Variants in CFAP20DC observed in about 807,000 individuals in gnomAD.
The protein encoded by CFAP20DC is protein CFAP20DC.
A neutral mutation model predicts 101.7 loss-of-function variants in CFAP20DC; 84 were observed. The observed-to-expected ratio is 0.83, with a 90% CI of 0.69 to 0.99. The LOEUF (loss-of-function observed/expected upper bound fraction) is 0.99, where lower values mean the gene tolerates loss of function less well. Ranked by LOEUF, CFAP20DC falls within the 50% of genes least tolerant of loss-of-function variation. The pLI, the probability that CFAP20DC is intolerant of heterozygous loss-of-function variation, is 0.00. For synonymous variants in CFAP20DC, 359 were observed against 351.2 expected, an observed-to-expected ratio of 1.02 and a Z score of -0.25; for missense variants, 1,007 against 970.3, an observed-to-expected ratio of 1.04 and a Z score of -0.50.
intron 13 of CFAP20DC, among the ~76,000 whole-genome samples, chr3:58,833,347 C>G (rs1172606573): frequency 6.6e-6 from 1 of 151,604 alleles, no homozygotes; most frequent in Non-Finnish European, 1.5e-5. Context: ...AGTTCTTGGG[C>G]CAAAATACGT....
At chr3:59,035,717 C>A (rs147160463) in intron 4 of CFAP20DC, among the ~76,000 whole-genome samples, 75 of 152,204 alleles carry the variant, frequency 4.9e-4, no homozygotes, top group African/African-American at 1.8e-3. Context: ...CCCTACCAAC[C>A]AAAGAAAGCC....
chr3:58,855,153 A>C (rs1460518077), intron 12 of CFAP20DC, among the ~76,000 whole-genome samples: 2 of 152,068 alleles, frequency 1.3e-5, no homozygotes, highest in Non-Finnish European at 2.9e-5. Flanking sequence ...AAAAACAAAC[A>C]ACCCCATCAA....
intron 12 of CFAP20DC, among the ~76,000 whole-genome samples, chr3:58,852,128 T>A (rs1473943431): frequency 1.3e-5 from 2 of 150,490 alleles, no homozygotes; most frequent in Non-Finnish European, 3.0e-5. Flanking sequence ...TTAGTAGCCA[T>A]TGCTCTGATT....
At chr3:58,765,501 A>C (rs893304964) in intron 15 of CFAP20DC, among the ~76,000 whole-genome samples, 15 of 151,216 alleles carry the variant, frequency 9.9e-5, no homozygotes, top group East Asian at 5.8e-4. Context: ...AAAAAAAAAA[A>C]AAAAAACAAA....
chr3:58,837,102 G>T (rs2076789858), intron 13 of CFAP20DC, among the ~76,000 whole-genome samples: 1 of 152,156 alleles, frequency 6.6e-6, no homozygotes, highest in Admixed American at 6.6e-5. Flanking sequence ...ATACATTACT[G>T]TTTCAGCAAT....
chr3:58,782,633 T>C (rs1405421228), intron 15 of CFAP20DC, among the ~76,000 whole-genome samples: 1 of 151,876 alleles, frequency 6.6e-6, no homozygotes. Context: ...ACACCAATAA[T>C]GAACTAGCTA....
chr3:58,884,478 G>T, intron 7 of CFAP20DC, 67 bp downstream of exon 7: 1 of 1,466,282 alleles, frequency 6.8e-7, no homozygotes. Context: ...CCTTTTTGGA[G>T]GAAGTCACAC....
At chr3:58,718,097 G>A (rs747270036) in intron 3 of CFAP20DC, among the ~76,000 whole-genome samples, 6 of 152,146 alleles carry the variant, frequency 3.9e-5, no homozygotes, top group African/African-American at 7.2e-5. Flanking sequence ...GGTTAGGTAT[G>A]GGGTCACATC....
At chr3:58,991,712 C>T (rs1019235817) in intron 4 of CFAP20DC, among the ~76,000 whole-genome samples, 3 of 152,092 alleles carry the variant, frequency 2.0e-5, no homozygotes, top group Non-Finnish European at 4.4e-5. Context: ...ACAATAGGGT[C>T]TGCTCTCCTA....
chr3:58,719,278 C>T (rs1401708086), intron 3 of CFAP20DC, among the ~76,000 whole-genome samples: 1 of 152,076 alleles, frequency 6.6e-6, no homozygotes, highest in Non-Finnish European at 1.5e-5. Flanking sequence ...GACTGTTTCC[C>T]TGATGCAAGC....
intron 15 of CFAP20DC, among the ~76,000 whole-genome samples, chr3:58,758,697 C>A (rs924354988): frequency 2.0e-5 from 3 of 152,132 alleles, no homozygotes; most frequent in African/African-American, 7.2e-5. Context: ...CTTCCCCTCA[C>A]CCACAACAGG....
At chr3:58,754,380 G>C (rs920500564) in intron 15 of CFAP20DC, among the ~76,000 whole-genome samples, 5 of 152,030 alleles carry the variant, frequency 3.3e-5, no homozygotes, top group African/African-American at 9.7e-5. Flanking sequence ...GGGGGAGTGA[G>C]GGCATTTCCC....
chr3:59,013,822 A>G (rs966832693), intron 4 of CFAP20DC, among the ~76,000 whole-genome samples: 7 of 152,222 alleles, frequency 4.6e-5, no homozygotes, highest in Non-Finnish European at 8.8e-5. Context: ...ATGCACAATT[A>G]CTAACAGTCT....
chr3:58,791,092 G>A (rs2072810248), intron 15 of CFAP20DC, among the ~76,000 whole-genome samples: 2 of 152,094 alleles, frequency 1.3e-5, no homozygotes, highest in South Asian at 2.1e-4. Context: ...CACTGAGCCT[G>A]CTTCCCTGGC....
rs571645176 is a variant in CFAP20DC at position 58,836,750 on chromosome 3, C to A, written c.1972-4861G>T. Among the ~76,000 whole-genome samples, 158 of 152,070 alleles carry A rather than the reference C, an allele frequency of 1.0e-3. 1 individual carries two copies. Among genetic ancestry groups the A allele is most frequent in the Non-Finnish European group, 1.8e-3 (123 of 67,974 alleles). On this transcript the variant is annotated intron_variant, in intron 13 of 16. Transcript: ENST00000482387. The stretch of plus-strand genomic sequence containing the variant: ...CAATACAAGGACTATCGAACAATCT[C>A]CACCTCTGTATTTAAAAAAAAAATT...
chr3:58,805,386 G>T (rs981821099), intron 15 of CFAP20DC, among the ~76,000 whole-genome samples: 1 of 152,178 alleles, frequency 6.6e-6, no homozygotes, highest in African/African-American at 2.4e-5. Flanking sequence ...GAGGCCTGGC[G>T]GCCTTTGGGT....
At position 58,855,410 on chromosome 3, in the gene CFAP20DC, A is replaced by G. The variant is rs887891450; in HGVS notation, c.1594-6001T>C. On this transcript the variant is annotated intron_variant, in intron 12 of 16. Coordinates refer to ENST00000482387, the MANE Select transcript of CFAP20DC (RefSeq NM_001394063.1). ...GCTGGGACTGTAAACTAGTTCAACCACTGTGGAAGTCAGTGTGGCGATTCC... is the reference window on the plus strand; with the variant it reads ...GCTGGGACTGTAAACTAGTTCAACCGCTGTGGAAGTCAGTGTGGCGATTCC... Among the ~76,000 whole-genome samples the G allele has an allele frequency of 6.6e-5, 10 of 152,294 alleles. No individual in the cohort carries two copies. In the East Asian group the frequency reaches 1.4e-3, roughly 21 times the overall value.
intron 14 of CFAP20DC, among the ~76,000 whole-genome samples, chr3:58,816,808 T>A (rs371239130): frequency 1.3e-5 from 2 of 152,112 alleles, no homozygotes; most frequent in Non-Finnish European, 2.9e-5. Flanking sequence ...GAGGCCTGCC[T>A]GCCTCTGTAG....
chr3:59,019,538 C>A (rs2093760059), intron 4 of CFAP20DC, among the ~76,000 whole-genome samples: 1 of 151,756 alleles, frequency 6.6e-6, no homozygotes, highest in Admixed American at 6.6e-5. Context: ...GGACAGAGCT[C>A]CTATCGTTGG....
Sources: gnomAD v4.1 joint callset for allele counts (sites outside exome capture counted in the v4.1 genomes callset) on GRCh38, gnomAD v4.1.1 for gene constraint, MANE v1.5 for transcripts, NCBI Gene and HGNC (gene_info 2026-07-23, HGNC 2026-07-21) for gene names.